The following BARX2 variants were observed in gnomAD, a reference collection of about 807,000 sequenced individuals.
BARX2 encodes BARX homeobox 2.
In BARX2, 11 loss-of-function variants were observed where a neutral mutation model predicts 25.5. That is an observed-to-expected ratio of 0.43 (90% CI 0.27 to 0.71). The LOEUF is 0.71. Ranked by LOEUF, BARX2 falls within the 30% of genes least tolerant of loss-of-function variation. The probability of loss-of-function intolerance (pLI) is 0.19; values close to 1 mark genes in which losing one functional copy is unlikely to be tolerated. For synonymous variants in BARX2, 137 were observed against 149.5 expected (o/e 0.92, Z 0.61); for missense variants, 360 against 359.9 (o/e 1.00, Z 0.00).
At chr11:129,448,268 C>T (rs954561888) in intron 3 of BARX2, among the ~76,000 whole-genome samples, 7 of 152,110 alleles carry the variant, frequency 4.6e-5, no homozygotes, top group Non-Finnish European at 1.0e-4. Flanking sequence ...GCACAAGCAA[C>T]AGAAGAAAAC....
At chr11:129,437,184 CA>C in intron 2 of BARX2, 133 bp downstream of exon 2, 1 of 1,031,676 alleles carries the variant, frequency 9.7e-7, no homozygotes. Flanking sequence ...CTCCTTGGCT[CA>C]AATCATCTCA....
At chr11:129,384,779 A>G (rs771248715) in intron 1 of BARX2, among the ~76,000 whole-genome samples, 4 of 152,194 alleles carry the variant, frequency 2.6e-5, no homozygotes, top group African/African-American at 9.7e-5. Context: ...ACCCTAAACC[A>G]TATTCATAGA....
intron 2 of BARX2, chr11:129,437,526 C>T: frequency 1.0e-6 from 1 of 986,258 alleles, no homozygotes; most frequent in Non-Finnish European, 1.2e-6. Context: ...TGGAGGGATC[C>T]AGTTGAGGAG....
chr11:129,384,499 C>T (rs1861600231), intron 1 of BARX2, among the ~76,000 whole-genome samples: 1 of 152,152 alleles, frequency 6.6e-6, no homozygotes, highest in Non-Finnish European at 1.5e-5. Context: ...CACTGAGACT[C>T]AGGATGATGG....
rs139211336 is a variant in BARX2 at position 129,451,381 on chromosome 11, G to C, written c.819G>C (p.Ser273=). 4.7e-4 allele frequency: 752 copies of C among 1,613,628 alleles called. 7 individuals are homozygous for C. In the African/African-American group the frequency reaches 8.9e-3, roughly 19 times the overall value. Residue 273 remains serine, a synonymous_variant, in exon 4 of 4, where the codon TCG becomes TCC. Transcript: ENST00000281437. ...DPPQELPIPS[S]EPPPLS ...CCCAGGAGTTGCCAATACCCTCTTC[G>C]GAACCCCCACCATTAAGCTAAAGTA...
At chr11:129,384,019 G>A (rs550846177) in intron 1 of BARX2, among the ~76,000 whole-genome samples, 11 of 152,126 alleles carry the variant, frequency 7.2e-5, no homozygotes, top group East Asian at 3.9e-4. Context: ...GATTACAGGC[G>A]TCTGCCACCA....
At chr11:129,419,746 C>T (rs951040228) in intron 1 of BARX2, among the ~76,000 whole-genome samples, 5 of 151,920 alleles carry the variant, frequency 3.3e-5, no homozygotes. Flanking sequence ...TCCTGAGGCC[C>T]TCACCACAGG....
At chr11:129,387,404 G>A (rs1260846575) in intron 1 of BARX2, among the ~76,000 whole-genome samples, 1 of 152,156 alleles carries the variant, frequency 6.6e-6, no homozygotes, top group Non-Finnish European at 1.5e-5. Flanking sequence ...AACTACTTAG[G>A]AAAAGACAAG....
intron 3 of BARX2, 62 bp downstream of exon 3, chr11:129,442,981 G>C: frequency 1.4e-6 from 2 of 1,478,252 alleles, no homozygotes; most frequent in Non-Finnish European, 1.9e-6. Flanking sequence ...CTCCAGGGCT[G>C]TTGGGAGGGA....
chr11:129,445,739 C>T (rs369394537), intron 3 of BARX2, among the ~76,000 whole-genome samples: 7 of 152,186 alleles, frequency 4.6e-5, no homozygotes, highest in African/African-American at 1.7e-4. Flanking sequence ...GCAGAAGACA[C>T]ATCTGCAAAC....
At position 129,451,354 on chromosome 11, in the gene BARX2, G is replaced by A. The variant is rs202180662; in HGVS notation, c.792G>A (p.Pro264=). The A allele has an allele frequency of 4.5e-5, 73 of 1,614,116 alleles. No homozygotes were observed. The highest frequency in any genetic ancestry group is 2.5e-4 in the South Asian group (23 of 91,078). ...TAGAGATGGCAGAGCCACCAGACCC[G>A]CCCCAGGAGTTGCCAATACCCTCTT... The part of the protein sequence containing the change: ...VPLEMAEPPD[P]PQELPIPSSE... Residue 264 remains proline (P), a synonymous_variant, in exon 4 of 4, where the codon CCG becomes CCA. Coordinates refer to ENST00000281437, the MANE Select transcript of BARX2 (RefSeq NM_003658.5).
At chr11:129,383,270 A>G (rs1261622972) in intron 1 of BARX2, among the ~76,000 whole-genome samples, 2 of 152,198 alleles carry the variant, frequency 1.3e-5, no homozygotes, top group African/African-American at 4.8e-5. Context: ...TTCCATTACC[A>G]TGTCTAATTA....
intron 2 of BARX2, among the ~76,000 whole-genome samples, chr11:129,441,320 A>T (rs1402226430): frequency 6.6e-6 from 1 of 152,162 alleles, no homozygotes; most frequent in East Asian, 1.9e-4. Flanking sequence ...TCTTAACTCT[A>T]CGATCATCTG....
intron 3 of BARX2, among the ~76,000 whole-genome samples, chr11:129,447,046 A>G (rs1030391409): frequency 6.6e-6 from 1 of 152,176 alleles, no homozygotes; most frequent in African/African-American, 2.4e-5. Context: ...TCCCTCGCGC[A>G]TTATGCTGAA....
In BARX2 at chr11:129,451,722, T is replaced by C. The variant is rs1165791075; in HGVS notation, c.*320T>C. The stretch of plus-strand genomic sequence containing the variant: ...GGTCTATGTTGCAAGCCCTATATCC[T>C]AGCATGCAGTGGAAAGTGCTTAGCT... On this transcript the variant is annotated 3_prime_UTR_variant, in exon 4 of 4. Transcript: ENST00000281437. 1.7e-5 allele frequency: 5 copies of C among 292,372 alleles called. No individual in the cohort carries two copies. Among genetic ancestry groups the C allele is most frequent in the Non-Finnish European group, 3.2e-5 (5 of 155,162 alleles). 18.1% of individuals were successfully genotyped at this position (292,372 alleles called of 1,614,324 possible).
At chr11:129,441,373 ATACTT>A (rs541415252) in intron 2 of BARX2, among the ~76,000 whole-genome samples, 1 of 152,178 alleles carries the variant, frequency 6.6e-6, no homozygotes, top group African/African-American at 2.4e-5. Flanking sequence ...CAGACAGTAA[ATACTT>A]TACATTTTGT....
intron 3 of BARX2, among the ~76,000 whole-genome samples, chr11:129,447,842 C>G (rs570316788): frequency 8.5e-5 from 13 of 152,298 alleles, no homozygotes; most frequent in African/African-American, 3.1e-4. Flanking sequence ...TTTTGTATAA[C>G]CTCTTTCATA....
chr11:129,396,553 C>A (rs924340653), intron 1 of BARX2, among the ~76,000 whole-genome samples: 1 of 152,014 alleles, frequency 6.6e-6, no homozygotes, highest in Non-Finnish European at 1.5e-5. Context: ...TCTCTAAGTT[C>A]ATATTGTCTG....
intron 1 of BARX2, among the ~76,000 whole-genome samples, chr11:129,380,897 C>T (rs1334148807): frequency 6.6e-6 from 1 of 151,928 alleles, no homozygotes; most frequent in African/African-American, 2.4e-5. Context: ...CTGCCTCAGC[C>T]TCCTGAGTAG....
Sources: gnomAD v4.1 joint callset for allele counts (sites outside exome capture counted in the v4.1 genomes callset) on GRCh38, gnomAD v4.1.1 for gene constraint, MANE v1.5 for transcripts, NCBI Gene and HGNC (gene_info 2026-07-23, HGNC 2026-07-21) for gene names.